The following PI4KA variants were observed in gnomAD, a reference collection of about 807,000 sequenced individuals.
PI4KA encodes PI4-kinase alpha.
A neutral mutation model predicts 271.4 loss-of-function variants in PI4KA; 122 were observed. The ratio of observed to expected loss-of-function variants is 0.45; its 90% CI spans 0.39 to 0.52. The LOEUF (loss-of-function observed/expected upper bound fraction) is 0.52. Among genes scored for constraint, PI4KA ranks in the 20% least tolerant of loss-of-function variants. The pLI, the probability that PI4KA is intolerant of heterozygous loss-of-function variation, is 0.00. For synonymous variants in PI4KA, 1,041 were observed against 1,078.8 expected (o/e 0.96, Z 0.69); for missense variants, 1,969 against 2,769.1 (o/e 0.71, Z 6.48).
intron 42 of PI4KA, among the ~76,000 whole-genome samples, chr22:20,722,488 G>C (rs968012255): frequency 2.0e-5 from 3 of 152,096 alleles, no homozygotes; most frequent in Non-Finnish European, 4.4e-5. Flanking sequence ...CACCTGGCCA[G>C]GAAGTTCTTT....
At chr22:20,763,929 T>G (rs1322437886) in intron 22 of PI4KA, among the ~76,000 whole-genome samples, 1 of 152,076 alleles carries the variant, frequency 6.6e-6, no homozygotes, top group African/African-American at 2.4e-5. Flanking sequence ...CTGCCTTTCT[T>G]TTATGTATTG....
At chr22:20,796,362 T>C (rs1040365218) in intron 17 of PI4KA, 48 bp from the exon 18 acceptor site, 4 of 1,573,364 alleles carry the variant, frequency 2.5e-6, no homozygotes, top group Admixed American at 1.8e-5. Context: ...CCCTCAACCG[T>C]CCCCAAGGGA....
At chr22:20,847,890 A>C (rs765415419) in intron 1 of PI4KA, among the ~76,000 whole-genome samples, 17 of 152,208 alleles carry the variant, frequency 1.1e-4, no homozygotes, top group Non-Finnish European at 2.4e-4. Flanking sequence ...AAGAAAACCT[A>C]AATAAATGGA....
At chr22:20,763,409 C>T (rs1245872991) in intron 22 of PI4KA, among the ~76,000 whole-genome samples, 3 of 150,524 alleles carry the variant, frequency 2.0e-5, no homozygotes, top group Admixed American at 1.3e-4. Flanking sequence ...TGCAACCGGC[C>T]GTGCCTAGCC....
At chr22:20,757,859 T>C (rs1398211596) in intron 23 of PI4KA, among the ~76,000 whole-genome samples, 1 of 152,172 alleles carries the variant, frequency 6.6e-6, no homozygotes, top group Admixed American at 6.5e-5. Context: ...CTTCCTTTTT[T>C]TGTCTCCTCA....
intron 19 of PI4KA, among the ~76,000 whole-genome samples, chr22:20,771,768 G>A (rs201956735): frequency 6.6e-6 from 1 of 151,906 alleles, no homozygotes; most frequent in East Asian, 1.9e-4. Flanking sequence ...TTTTAGTAGG[G>A]ACGGGGTTTT....
intron 17 of PI4KA, among the ~76,000 whole-genome samples, chr22:20,797,678 T>C (rs1175484059): frequency 2.0e-5 from 3 of 152,172 alleles, no homozygotes; most frequent in Non-Finnish European, 2.9e-5. Flanking sequence ...AGGCAGGTTC[T>C]CATTTGGCAG....
chr22:20,763,023 G>A (rs1010029322), intron 22 of PI4KA, among the ~76,000 whole-genome samples: 1 of 99,966 alleles, frequency 1.0e-5, no homozygotes, highest in Non-Finnish European at 1.9e-5. Flanking sequence ...TTTTTGGGGG[G>A]GGGGGGGGTT....
intron 1 of PI4KA, among the ~76,000 whole-genome samples, chr22:20,846,905 T>G (rs1210280798): frequency 6.7e-6 from 1 of 150,224 alleles, no homozygotes; most frequent in Non-Finnish European, 1.5e-5. Flanking sequence ...CCCAGCACTT[T>G]GGGAAGCCGA....
At chr22:20,791,290 G>A (rs1488836589) in intron 19 of PI4KA, among the ~76,000 whole-genome samples, 3 of 152,212 alleles carry the variant, frequency 2.0e-5, no homozygotes, top group Non-Finnish European at 2.9e-5. Context: ...CTCCCTATCT[G>A]CCTAAAACTT....
intron 6 of PI4KA, 106 bp from the exon 7 acceptor site, chr22:20,818,655 T>A: frequency 1.3e-6 from 1 of 783,406 alleles, no homozygotes; most frequent in East Asian, 3.1e-5. Context: ...GTACTTCAAG[T>A]TCTGGTTGAA....
chr22:20,804,961 C>A lies in PI4KA; in HGVS notation c.1360+13G>T, dbSNP rs1353050763. 10 of 1,597,202 alleles carry A rather than the reference C, an allele frequency of 6.3e-6. No individual in the cohort carries two copies. The highest frequency in any genetic ancestry group is 8.6e-6 in the Non-Finnish European group (10 of 1,168,964). ...CCTGGAGCTCACATGAGAGGCAAGG[C>A]AGTCTGTCTCACCCTGCTCGTCCTT... On this transcript the variant is annotated intron_variant, in intron 11 of 54. Transcript: ENST00000255882.
intron 36 of PI4KA, among the ~76,000 whole-genome samples, chr22:20,731,605 C>T (rs1928059120): frequency 6.6e-6 from 1 of 152,034 alleles, no homozygotes; most frequent in African/African-American, 2.4e-5. Context: ...ACCAGCCTGG[C>T]CAATATGGTG....
intron 9 of PI4KA, among the ~76,000 whole-genome samples, chr22:20,809,014 C>T (rs762134728): frequency 1.6e-4 from 25 of 152,042 alleles, no homozygotes; most frequent in Non-Finnish European, 1.8e-4. Flanking sequence ...CATGCCAATT[C>T]CCAGGAGGAC....
Position 20,854,179 on chromosome 22 carries a change from G to A in PI4KA, c.156+4391C>T, listed in dbSNP as rs189704887. On this transcript the variant is annotated intron_variant, in intron 1 of 54. Coordinates refer to ENST00000255882, the MANE Select transcript of PI4KA (RefSeq NM_058004.4). The stretch of plus-strand genomic sequence containing the variant: ...TTTGTCGCCCAAGCCAGAATGCAGT[G>A]GTGAGATCTCGGCTTACTGCAACCT... Among the ~76,000 whole-genome samples, 521 of 152,258 alleles carry A rather than the reference G, an allele frequency of 3.4e-3. 4 individuals carry two copies. Among genetic ancestry groups the A allele is most frequent in the Middle Eastern group, 6.8e-3 (2 of 294 alleles).
intron 1 of PI4KA, among the ~76,000 whole-genome samples, chr22:20,844,992 A>C (rs1364893795): frequency 6.6e-6 from 1 of 152,230 alleles, no homozygotes; most frequent in African/African-American, 2.4e-5. Context: ...GTGGGTCATT[A>C]TAAAAAGTCA....
intron 29 of PI4KA, among the ~76,000 whole-genome samples, chr22:20,745,153 A>G (rs1929912514): frequency 6.6e-6 from 1 of 152,222 alleles, no homozygotes; most frequent in Non-Finnish European, 1.5e-5. Flanking sequence ...GCTGCTCTTC[A>G]GTCTAATGGG....
chr22:20,829,329 C>T (rs1923850766), intron 3 of PI4KA, among the ~76,000 whole-genome samples: 3 of 152,062 alleles, frequency 2.0e-5, no homozygotes, highest in South Asian at 2.1e-4. Context: ...GACTCAATTT[C>T]GGAACTTGTT....
In PI4KA at chr22:20,799,197, T is replaced by A; in HGVS notation, c.1900A>T (p.Met634Leu). ...TGTAGGATCTGCAGAATGGGCTCCA[T>A]GACCTTCGGGGTGTCCCTCAAGGCC... ...AVALRDTPKVMEPILQILQQK... is the reference protein window; with the variant it reads ...AVALRDTPKVLEPILQILQQK... The change falls in exon 16 of 55, where the codon ATG (methionine) becomes TTG (leucine). Residue 634 changes from methionine to leucine, a missense_variant. Around this residue, in one of 13 missense-constraint regions of PI4KA, gnomAD observed 228 missense variants for 261.6 expected, o/e 0.87. Transcript: ENST00000255882. The A allele has an allele frequency of 6.2e-7, 1 of 1,600,762 alleles. No individual in the cohort carries two copies. The highest frequency in any genetic ancestry group is 8.5e-7 in the Non-Finnish European group (1 of 1,173,386).
Sources: allele counts gnomAD v4.1 joint callset (sites outside exome capture counted in the v4.1 genomes callset), GRCh38; gene constraint gnomAD v4.1.1; regional missense constraint gnomAD v4.1.1; transcripts MANE v1.5; gene names NCBI Gene and HGNC (gene_info 2026-07-23, HGNC 2026-07-21).